The following DNAJC15 variants were observed in gnomAD, a reference collection of about 807,000 sequenced individuals.
DNAJC15 encodes the protein DnaJ heat shock protein family (Hsp40) member C15.
DNAJC15 carries 27 observed loss-of-function variants against 22.4 expected under a neutral mutation model. That is an observed-to-expected ratio of 1.20 (90% confidence interval 0.89 to 1.66). DNAJC15 has a LOEUF of 1.66. Among genes scored for constraint, DNAJC15 ranks in the 40% most tolerant of loss-of-function variants. DNAJC15 has a pLI of 0.00. For missense variants in DNAJC15, 208 were observed against 187.1 expected, an observed-to-expected ratio of 1.11 and a Z score of -0.65; for synonymous variants, 79 against 63.2, an observed-to-expected ratio of 1.25 and a Z score of -1.19.
intron 1 of DNAJC15, among the ~76,000 whole-genome samples, chr13:43,026,218 C>A (rs1236563795): frequency 2.0e-5 from 3 of 152,172 alleles, no homozygotes; most frequent in Non-Finnish European, 2.9e-5. Context: ...ATGGAAGATT[C>A]AGTCTGTACT....
intron 5 of DNAJC15, among the ~76,000 whole-genome samples, chr13:43,090,169 A>T (rs1216905383): frequency 6.6e-6 from 1 of 152,216 alleles, no homozygotes; most frequent in Non-Finnish European, 1.5e-5. Context: ...TTAACAGCAT[A>T]AGCAGCAAGC....
intron 4 of DNAJC15, among the ~76,000 whole-genome samples, chr13:43,082,980 A>G (rs1168197829): frequency 2.0e-5 from 3 of 151,894 alleles, no homozygotes; most frequent in Non-Finnish European, 4.4e-5. Context: ...TGGTGATGAA[A>G]TTTATGAAAT....
intron 1 of DNAJC15, among the ~76,000 whole-genome samples, chr13:43,062,919 A>G (rs1436811599): frequency 6.6e-6 from 1 of 152,108 alleles, no homozygotes; most frequent in Non-Finnish European, 1.5e-5. Context: ...GGGTTTCACC[A>G]TGTTGGCCAG....
intron 1 of DNAJC15, among the ~76,000 whole-genome samples, chr13:43,061,497 G>C (rs960145832): frequency 2.0e-5 from 3 of 152,190 alleles, no homozygotes; most frequent in Non-Finnish European, 2.9e-5. Flanking sequence ...TGGAAGTAAA[G>C]CAGCTTTGAG....
chr13:43,060,326 T>C (rs1372189738), intron 1 of DNAJC15, among the ~76,000 whole-genome samples: 2 of 152,148 alleles, frequency 1.3e-5, no homozygotes, highest in Admixed American at 1.3e-4. Flanking sequence ...ATTTGTCATA[T>C]AGAATTATTG....
intron 1 of DNAJC15, among the ~76,000 whole-genome samples, chr13:43,033,871 T>C (rs1362188271): frequency 1.3e-5 from 2 of 151,816 alleles, no homozygotes; most frequent in East Asian, 3.9e-4. Context: ...CTACTAAAAA[T>C]ACAAAAATTA....
chr13:43,076,622 C>G (rs190630996), intron 3 of DNAJC15, among the ~76,000 whole-genome samples: 18 of 152,280 alleles, frequency 1.2e-4, no homozygotes, highest in African/African-American at 3.6e-4. Context: ...GAAATGGTTT[C>G]ATGCTTAGAA....
At chr13:43,067,649 G>A (rs1337481061) in intron 2 of DNAJC15, among the ~76,000 whole-genome samples, 2 of 152,040 alleles carry the variant, frequency 1.3e-5, no homozygotes, top group Non-Finnish European at 2.9e-5. Flanking sequence ...ATCTCTTCCA[G>A]AGCCAAATAC....
Position 43,059,766 on chromosome 13 carries a change from A to T in DNAJC15, c.109-5920A>T, listed in dbSNP as rs189248507. 1.3e-3 allele frequency among the ~76,000 whole-genome samples: 195 copies of T among 152,346 alleles called. 1 individual carries two copies. Among genetic ancestry groups the T allele is most frequent in the Middle Eastern group, 3.4e-3 (1 of 294 alleles). ...CTGGGTGCAGGCGGGCTGAGTCCGAAAAGAGAGTCAGCAAAGGGTGGTGGA... is the reference window on the plus strand; with the variant it reads ...CTGGGTGCAGGCGGGCTGAGTCCGATAAGAGAGTCAGCAAAGGGTGGTGGA... On this transcript the variant is annotated intron_variant, in intron 1 of 5. Transcript: ENST00000379221.
chr13:43,076,728 CT>C (rs2040635658), intron 3 of DNAJC15, among the ~76,000 whole-genome samples: 1 of 152,176 alleles, frequency 6.6e-6, no homozygotes, highest in Non-Finnish European at 1.5e-5. Flanking sequence ...AAAATAGTGT[CT>C]TTACTTGCTG....
intron 4 of DNAJC15, among the ~76,000 whole-genome samples, chr13:43,079,086 ATATT>A (rs1481308489): frequency 6.6e-6 from 1 of 152,174 alleles, no homozygotes; most frequent in East Asian, 1.9e-4. Flanking sequence ...GACATCAAGC[ATATT>A]TATTGTGCTT....
At chr13:43,050,906 C>T (rs1225809029) in intron 1 of DNAJC15, among the ~76,000 whole-genome samples, 2 of 152,022 alleles carry the variant, frequency 1.3e-5, no homozygotes, top group African/African-American at 4.8e-5. Context: ...TGGTTATTTA[C>T]TGAACATCCT....
chr13:43,080,989 G>T (rs770590177), intron 4 of DNAJC15, among the ~76,000 whole-genome samples: 3 of 152,162 alleles, frequency 2.0e-5, no homozygotes, highest in Non-Finnish European at 4.4e-5. Context: ...TAACAGGTAG[G>T]TGAAGGCAAA....
At chr13:43,100,234 G>GTCTC (rs1304354572) in intron 5 of DNAJC15, among the ~76,000 whole-genome samples, 1 of 143,664 alleles carries the variant, frequency 7.0e-6, no homozygotes, top group Non-Finnish European at 1.5e-5. Context: ...TTGAAACAGG[G>GTCTC]TCTCACTCTG....
intron 5 of DNAJC15, among the ~76,000 whole-genome samples, chr13:43,090,447 TATTTA>T (rs1466214490): frequency 6.6e-6 from 1 of 152,170 alleles, no homozygotes; most frequent in Non-Finnish European, 1.5e-5. Flanking sequence ...GCATCCTGCT[TATTTA>T]ATTTAACAAA....
intron 4 of DNAJC15, among the ~76,000 whole-genome samples, chr13:43,083,460 C>T (rs535266386): frequency 6.6e-6 from 1 of 152,298 alleles, no homozygotes; most frequent in African/African-American, 2.4e-5. Flanking sequence ...AGCTACTGCC[C>T]CCGGCCTACA....
intron 4 of DNAJC15, among the ~76,000 whole-genome samples, chr13:43,085,540 T>C (rs1326861773): frequency 6.6e-6 from 1 of 152,124 alleles, no homozygotes; most frequent in Non-Finnish European, 1.5e-5. Flanking sequence ...TTAAATTGAT[T>C]GAGAATAAGG....
chr13:43,100,205 CTTTTTT>C (rs368386623), intron 5 of DNAJC15, among the ~76,000 whole-genome samples: 1 of 110,512 alleles, frequency 9.0e-6, no homozygotes, highest in Non-Finnish European at 1.8e-5. Flanking sequence ...TTATTGAAGT[CTTTTTT>C]TTTTTTTTTT....
At chr13:43,058,037 T>A (rs1212815833) in intron 1 of DNAJC15, among the ~76,000 whole-genome samples, 4 of 152,196 alleles carry the variant, frequency 2.6e-5, no homozygotes, top group Non-Finnish European at 4.4e-5. Flanking sequence ...TTTGTAGTTT[T>A]GTTTAGTGAG....
Sources: gnomAD v4.1 joint callset for allele counts (sites outside exome capture counted in the v4.1 genomes callset) on GRCh38, gnomAD v4.1.1 for gene constraint, MANE v1.5 for transcripts, NCBI Gene and HGNC (gene_info 2026-07-23, HGNC 2026-07-21) for gene names.